PDIA5: variants seen among roughly 807,000 people sequenced by gnomAD.
The protein encoded by PDIA5 is protein disulfide isomerase family A member 5, also known as protein disulfide-isomerase A5.
A neutral mutation model predicts 77.6 loss-of-function variants in PDIA5; 58 were observed. The observed-to-expected ratio is 0.75, with a 90% CI of 0.61 to 0.93. The LOEUF is 0.93. PDIA5 is among the 40% of genes least tolerant of loss of function. The probability of loss-of-function intolerance (pLI) is 0.00; values close to 1 mark genes in which losing one functional copy is unlikely to be tolerated. For missense variants in PDIA5, 630 were observed against 647.7 expected (o/e 0.97, Z 0.30); for synonymous variants, 250 against 252.1 (o/e 0.99, Z 0.08).
chr3:123,154,064 T>C (rs1935968677), intron 14 of PDIA5, among the ~76,000 whole-genome samples: 1 of 152,110 alleles, frequency 6.6e-6, no homozygotes, highest in African/African-American at 2.4e-5. Context: ...CTGTTAGTGC[T>C]GAGGGAAGGG....
At chr3:123,127,740 G>A (rs1229836828) in intron 10 of PDIA5, among the ~76,000 whole-genome samples, 4 of 152,174 alleles carry the variant, frequency 2.6e-5, no homozygotes, top group Non-Finnish European at 4.4e-5. Context: ...TCTTAATGCA[G>A]TTTGGAATAT....
chr3:123,139,908 C>A (rs942120054), intron 11 of PDIA5, among the ~76,000 whole-genome samples: 8 of 152,150 alleles, frequency 5.3e-5, no homozygotes, highest in Non-Finnish European at 1.2e-4. Flanking sequence ...TACAGAGCCT[C>A]CATTCCAGTT....
chr3:123,072,948 G>GTGTGTGTGTGTGTGTGTGTGT, intron 1 of PDIA5, among the ~76,000 whole-genome samples: 18 of 149,364 alleles, frequency 1.2e-4, no homozygotes, highest in African/African-American at 4.0e-4. Flanking sequence ...GTGTGTATGT[G>GTGTGTGTGTGTGTGTGTGTGT]GTGTTGTTGT....
In PDIA5 at chr3:123,075,364, C is replaced by G. The variant is rs1385949338; in HGVS notation, c.42+8158C>G. On this transcript the variant is annotated intron_variant, in intron 1 of 16. Transcript: ENST00000316218. The stretch of plus-strand genomic sequence containing the variant: ...ATATAGGGTAGGAAGAGAGGGTAGA[C>G]TGAGTGAGCTGTGGAACTTCAACAT... 1.4e-4 allele frequency among the ~76,000 whole-genome samples: 21 copies of G among 152,128 alleles called. No individual in the cohort carries two copies. In the East Asian group the frequency reaches 3.5e-3, roughly 25 times the overall value.
chr3:123,103,236 G>A (rs1274806970), intron 5 of PDIA5, among the ~76,000 whole-genome samples: 1 of 152,182 alleles, frequency 6.6e-6, no homozygotes, highest in Non-Finnish European at 1.5e-5. Context: ...TATCATTGAG[G>A]AGTTCCCTGC....
At chr3:123,079,175 CTTTTTTTTTTTT>C in intron 1 of PDIA5, among the ~76,000 whole-genome samples, 1 of 94,066 alleles carries the variant, frequency 1.1e-5, no homozygotes, top group Admixed American at 1.5e-4. Context: ...ATTTTGAATT[CTTTTTTTTTTTT>C]TTTTTTTTTT....
At chr3:123,144,508 T>C (rs1362921124) in intron 11 of PDIA5, 2 of 152,238 alleles carry the variant, frequency 1.3e-5, no homozygotes, top group East Asian at 3.8e-4. Flanking sequence ...AGGTCTGTCA[T>C]TTACACAAAG....
chr3:123,156,878 C>T (rs1449896595), intron 15 of PDIA5, among the ~76,000 whole-genome samples: 2 of 152,204 alleles, frequency 1.3e-5, no homozygotes, highest in Non-Finnish European at 2.9e-5. Context: ...TGAGGCTGTC[C>T]TGTGGCCTGA....
intron 1 of PDIA5, among the ~76,000 whole-genome samples, chr3:123,082,942 G>A (rs559252507): frequency 1.3e-5 from 2 of 152,274 alleles, no homozygotes; most frequent in African/African-American, 4.8e-5. Context: ...TTTCTGTGGT[G>A]TCTGGAAGAC....
chr3:123,112,644 G>T (rs1366569933), intron 7 of PDIA5, among the ~76,000 whole-genome samples: 1 of 149,338 alleles, frequency 6.7e-6, no homozygotes, highest in African/African-American at 2.5e-5. Context: ...CGCCCCCCGG[G>T]TTCAAATGGT....
chr3:123,153,330 G>A (rs1935954853), intron 14 of PDIA5, among the ~76,000 whole-genome samples: 1 of 152,240 alleles, frequency 6.6e-6, no homozygotes, highest in African/African-American at 2.4e-5. Flanking sequence ...CAAGGGGCCT[G>A]CAGCTGCCTG....
intron 5 of PDIA5, among the ~76,000 whole-genome samples, chr3:123,105,870 A>G (rs919859244): frequency 2.0e-5 from 3 of 152,128 alleles, no homozygotes; most frequent in African/African-American, 2.4e-5. Context: ...GACTTTGAGC[A>G]CCGTCTCTGA....
rs554672902 is a variant in PDIA5, at chr3:123,139,973, T to C, written c.911-5549T>C. On this transcript the variant is annotated intron_variant, in intron 11 of 16. Coordinates refer to ENST00000316218, the MANE Select transcript of PDIA5 (RefSeq NM_006810.4). ...ATTACTCCAGCTGCTTTGAGTACAA[T>C]TGAGAAAATAAAACAGGATATTGGG... 2.6e-5 allele frequency among the ~76,000 whole-genome samples: 4 copies of C among 152,154 alleles called. No individual in the cohort carries two copies. In the East Asian group the frequency reaches 7.7e-4, roughly 29 times the overall value.
intron 3 of PDIA5, among the ~76,000 whole-genome samples, chr3:123,101,025 G>T (rs1019990073): frequency 1.3e-5 from 2 of 152,222 alleles, no homozygotes; most frequent in African/African-American, 4.8e-5. Context: ...TGGGGAGATG[G>T]CCCCCAGGTA....
chr3:123,149,356 A>G (rs1470489856), intron 13 of PDIA5, among the ~76,000 whole-genome samples: 1 of 152,200 alleles, frequency 6.6e-6, no homozygotes, highest in African/African-American at 2.4e-5. Context: ...TCAGAATAGA[A>G]CTGGAAGCAC....
intron 10 of PDIA5, among the ~76,000 whole-genome samples, chr3:123,125,432 TG>T (rs1040883350): frequency 2.6e-5 from 4 of 152,110 alleles, no homozygotes; most frequent in African/African-American, 9.7e-5. Context: ...AGGGCCCTGA[TG>T]GGTCCCCGCC....
Position 123,130,540 on chromosome 3 carries a change from TTATC to T in PDIA5, c.835_838del (p.Tyr279ThrfsTer2). The T allele has an allele frequency of 6.2e-7, 1 of 1,614,096 alleles. No individual in the cohort carries two copies. Among genetic ancestry groups the T allele is most frequent in the South Asian group, 1.1e-5 (1 of 91,078 alleles). ...CCTGGGCAGATGAGGGCGGCTCCGTTTATCACCTGACCGATGAAGACTTTGACCA... is the reference window on the plus strand; with the variant it reads ...CCTGGGCAGATGAGGGCGGCTCCGTTACCTGACCGATGAAGACTTTGACCA... On this transcript the variant is annotated frameshift_variant, in exon 11 of 17. Transcript: ENST00000316218. LOFTEE classifies it high-confidence loss of function.
At chr3:123,159,652 G>A (rs1209435059) in intron 15 of PDIA5, among the ~76,000 whole-genome samples, 1 of 152,200 alleles carries the variant, frequency 6.6e-6, no homozygotes, top group East Asian at 1.9e-4. Context: ...AATTCAATGT[G>A]GGCCAAATAG....
chr3:123,146,542 C>T (rs1935777429), intron 13 of PDIA5, among the ~76,000 whole-genome samples: 1 of 152,206 alleles, frequency 6.6e-6, no homozygotes, highest in African/African-American at 2.4e-5. Flanking sequence ...ATCTTATTGT[C>T]TGCATTTTAT....
Sources: gnomAD v4.1 joint callset for allele counts (sites outside exome capture counted in the v4.1 genomes callset) on GRCh38, gnomAD v4.1.1 for gene constraint, MANE v1.5 for transcripts, NCBI Gene and HGNC (gene_info 2026-07-23, HGNC 2026-07-21) for gene names.